The following MELTF variants were observed in gnomAD, a reference collection of about 807,000 sequenced individuals.
MELTF encodes the protein melanotransferrin.
A neutral mutation model predicts 83.7 loss-of-function variants in MELTF; 67 were observed. The ratio of observed to expected loss-of-function variants is 0.80; its 90% CI spans 0.66 to 0.98. The LOEUF (loss-of-function observed/expected upper bound fraction) is 0.98. MELTF is among the 50% of genes least tolerant of loss of function. The pLI is 0.00. For synonymous variants in MELTF, 462 were observed against 447.6 expected, an observed-to-expected ratio of 1.03 and a Z score of -0.41; for missense variants, 1,002 against 1,035.6, an observed-to-expected ratio of 0.97 and a Z score of 0.44.
In MELTF at chr3:197,003,512, C is replaced by G; in HGVS notation, c.2138-61G>C. On this transcript the variant is annotated intron_variant, in intron 15 of 15. Transcript: ENST00000296350. This position sits in a 1 kb window ranked among gnomAD's most constrained non-coding sequence, Gnocchi z 6.2. ...CGGGCCGCGGTGGCCGCCTCAGGCG[C>G]CCGCTCTGGGGTGGGGGTGGGGGCA... 5.1e-6 allele frequency: 2 copies of G among 395,006 alleles called. No homozygotes were observed. The highest frequency in any genetic ancestry group is 2.6e-5 in the African/African-American group (1 of 39,056). 24.5% of individuals were successfully genotyped at this position (395,006 alleles called of 1,614,324 possible).
rs974033008 is a variant in MELTF at position 197,004,006 on chromosome 3, C to T, written c.2032G>A (p.Val678Ile). The T allele has an allele frequency of 4.3e-6, 7 of 1,614,172 alleles. No homozygotes were observed. The highest frequency in any genetic ancestry group is 2.2e-5 in the East Asian group (1 of 44,890). Reference protein sequence around the residue: ...GQDLLFKDATVRAVPVGEKTT... With the variant: ...GQDLLFKDATIRAVPVGEKTT... Reference sequence around the variant, plus strand: ...TTCTCTCCGACAGGCACCGCCCGGACGGTGGCATCCTTGAAAAGCAGGTCT... The same window carrying T: ...TTCTCTCCGACAGGCACCGCCCGGATGGTGGCATCCTTGAAAAGCAGGTCT... Residue 678 changes from valine to isoleucine, a missense_variant, in exon 15 of 16, where the codon GTC becomes ATC. By Grantham distance (29) the Val-to-Ile change is conservative (BLOSUM62 3). Coordinates refer to ENST00000296350, the MANE Select transcript of MELTF (RefSeq NM_005929.6).
chr3:197,006,489 C>T lies in MELTF; in HGVS notation c.1938+60G>A. The T allele has an allele frequency of 1.3e-6, 2 of 1,506,278 alleles. No individual in the cohort carries two copies. The highest frequency in any genetic ancestry group is 1.8e-6 in the Non-Finnish European group (2 of 1,115,226). The allele number at this position is 1,506,278 out of a possible 1,614,324, so 93.3% of individuals were successfully genotyped here. On this transcript the variant is annotated intron_variant, in intron 14 of 15. Coordinates refer to ENST00000296350, the MANE Select transcript of MELTF (RefSeq NM_005929.6). This position sits in a 1 kb window ranked among gnomAD's most constrained non-coding sequence, Gnocchi z 5.4. ...CTGCTCCAGGTAGACTGAGGCCTCC[C>T]AGGGGCTCAGCTTACCTCTGCTGCA...
At chr3:197,019,295 G>A in intron 6 of MELTF, 1 of 1,056,856 alleles carries the variant, frequency 9.5e-7, no homozygotes, top group Non-Finnish European at 1.1e-6. Flanking sequence ...GCTTCCATCA[G>A]CCACTCCCGC....
chr3:197,017,782 C>T (rs1207170888), intron 6 of MELTF, among the ~76,000 whole-genome samples: 2 of 152,096 alleles, frequency 1.3e-5, no homozygotes, highest in African/African-American at 4.8e-5. Flanking sequence ...GAGGCTGAGG[C>T]AGGAGAATGG....
chr3:197,002,073 T>C lies in MELTF; in HGVS notation c.*1299A>G, dbSNP rs1232489533. The C allele has an allele frequency of 3.3e-5, 5 of 152,090 alleles. No individual in the cohort carries two copies. Among genetic ancestry groups the C allele is most frequent in the African/African-American group, 4.8e-5 (2 of 41,392 alleles). 9.4% of individuals were successfully genotyped at this position (152,090 alleles called of 1,614,324 possible). A position where few individuals can be genotyped will look rare whatever the true frequency, so the allele number is the denominator to read the frequency against. ...CCCAGGTCCTTGTGGCCCCTCCCGG[T>C]GGGGTGAAGGTGCCCGGGACTCCTC... On this transcript the variant is annotated 3_prime_UTR_variant, in exon 16 of 16. Coordinates refer to ENST00000296350, the MANE Select transcript of MELTF (RefSeq NM_005929.6).
rs1719311439 is a variant in MELTF at position 197,015,053 on chromosome 3, G to A, written c.1233+312C>T. On this transcript the variant is annotated intron_variant, in intron 9 of 15. Transcript: ENST00000296350. ...CCAGGCTACAGGGCGTCAGTGCCCAGCTGGGCCAGCGCTTCTTCTGCTCCT... is the reference window on the plus strand; with the variant it reads ...CCAGGCTACAGGGCGTCAGTGCCCAACTGGGCCAGCGCTTCTTCTGCTCCT... Among the ~76,000 whole-genome samples, 3 of 152,362 alleles carry A rather than the reference G, an allele frequency of 2.0e-5. No homozygotes were observed. In the South Asian group the frequency reaches 6.2e-4, roughly 32 times the overall value.
rs552334780 is a variant in MELTF, at chr3:197,015,436, G to A, written c.1162C>T (p.Arg388Trp). ...TGGATCTCTGGCTTGAGCCGCTGCC[G>A]GCGGAAGGCCACGGCCATGTCTCCA... is the stretch of plus-strand genomic sequence containing the variant. Reference protein sequence around the residue: ...KCGDMAVAFRRQRLKPEIQCV... With the variant: ...KCGDMAVAFRWQRLKPEIQCV... The change falls in exon 9 of 16, where the codon CGG (arginine) becomes TGG (tryptophan). Residue 388 changes from arginine (R) to tryptophan (W), a missense_variant. Physicochemically the swap from Arg to Trp is moderately radical, Grantham distance 101 (BLOSUM62 -3). Transcript: ENST00000296350. The A allele has an allele frequency of 8.1e-6, 13 of 1,604,022 alleles. No homozygotes were observed. The highest frequency in any genetic ancestry group is 2.7e-5 in the African/African-American group (2 of 74,822).
Position 197,029,504 on chromosome 3 carries a change from C to A in MELTF, c.49+150G>T. ...GCGCTTCAGTGCTAGTTCCCTCCGC[C>A]GTCCTCACTCGACCCCGAGCCCCTG... is the stretch of plus-strand genomic sequence containing the variant. On this transcript the variant is annotated intron_variant, in intron 1 of 15. Transcript: ENST00000296350. The surrounding 1 kb of genome is among the most constrained non-coding windows in gnomAD (Gnocchi z 6.5). 1 of 537,594 alleles carries A rather than the reference C, an allele frequency of 1.9e-6. No homozygotes were observed. The highest frequency in any genetic ancestry group is 2.8e-6 in the Non-Finnish European group (1 of 355,008). The allele number at this position is 537,594 out of a possible 1,614,324, so 33.3% of individuals were successfully genotyped here. A position where few individuals can be genotyped will look rare whatever the true frequency, so the allele number is the denominator to read the frequency against.
chr3:197,004,362 C>A (rs747490305), intron 14 of MELTF: 1 of 520,618 alleles, frequency 1.9e-6, no homozygotes, highest in Non-Finnish European at 3.5e-6. Flanking sequence ...GGATGCAGGT[C>A]TGAGGCCTGA....
chr3:197,015,578 C>A, intron 8 of MELTF, 62 bp from the exon 9 acceptor site: 2 of 1,530,690 alleles, frequency 1.3e-6, no homozygotes, highest in South Asian at 2.4e-5. Context: ...AGCATGGAGT[C>A]GGACCCAAGG....
At chr3:197,019,244 G>A in intron 6 of MELTF, 1 of 1,017,766 alleles carries the variant, frequency 9.8e-7, no homozygotes, top group Non-Finnish European at 1.2e-6. Context: ...AGAGCTCTGG[G>A]GCATCATTTG....
Position 197,003,908 on chromosome 3 carries a change from C to T in MELTF, c.2130G>A (p.Ser710=), listed in dbSNP as rs1470743850. 3.7e-6 allele frequency: 6 copies of T among 1,613,392 alleles called. No homozygotes were observed. Among genetic ancestry groups the T allele is most frequent in the African/African-American group, 2.7e-5 (2 of 74,920 alleles). The change falls in exon 15 of 16, where the codon TCG becomes TCA. Residue 710 remains serine, a synonymous_variant. Transcript: ENST00000296350. This position sits in a 1 kb window ranked among gnomAD's most constrained non-coding sequence, Gnocchi z 6.2. ...ALEGMSSQQC[S]GAAAPAPGAP... is the part of the protein sequence containing the mutation. ...AGGGCGGGCCTGTCCTACCTGCGCC[C>T]GAGCACTGCTGAGACGACATCCCTT...
intron 14 of MELTF, chr3:197,004,404 G>A: frequency 4.5e-6 from 2 of 444,298 alleles, no homozygotes; most frequent in Non-Finnish European, 4.2e-6. Context: ...AGAAATGAGG[G>A]ATGGTGTGGG....
At chr3:197,018,634 A>T (rs1412607558) in intron 6 of MELTF, among the ~76,000 whole-genome samples, 1 of 151,474 alleles carries the variant, frequency 6.6e-6, no homozygotes, top group African/African-American at 2.4e-5. Flanking sequence ...TTTCCTAGAG[A>T]TGGGGTTTCA....
rs762621747 is a variant in MELTF, at chr3:197,027,822, C to G, written c.138G>C (p.Ala46=). The G allele has an allele frequency of 2.4e-5, 38 of 1,611,192 alleles. No homozygotes were observed. Among genetic ancestry groups the G allele is most frequent in the Non-Finnish European group, 3.0e-5 (35 of 1,179,180 alleles). The part of the protein sequence containing the change: ...CGNMSEAFRE[A]GIQPSLLCVR... ...CGCAGAGGAGGGAGGGCTGGATGCC[C>G]GCTTCCCGGAAGGCCTCGCTCATGT... The change falls in exon 2 of 16, where the codon GCG becomes GCC. Residue 46 remains alanine (A), a synonymous_variant. Transcript: ENST00000296350.
chr3:197,004,711 C>T (rs760534637), intron 14 of MELTF: 29 of 155,012 alleles, frequency 1.9e-4, no homozygotes, highest in East Asian at 1.1e-3. Context: ...CTTATGAATA[C>T]GAATATAAAT....
At chr3:197,021,135 T>C (rs771910064) in intron 6 of MELTF, among the ~76,000 whole-genome samples, 64 of 152,210 alleles carry the variant, frequency 4.2e-4, no homozygotes, top group Non-Finnish European at 5.4e-4. Context: ...CAATGCCATA[T>C]TCAAATCAAA....
chr3:197,013,553 CAGAGA>C (rs1252960571), intron 9 of MELTF, among the ~76,000 whole-genome samples: 2 of 152,172 alleles, frequency 1.3e-5, no homozygotes, highest in East Asian at 3.9e-4. Flanking sequence ...TTCTGCACAG[CAGAGA>C]AAACAACGAA....
In MELTF at chr3:197,010,715, G is replaced by C. The variant is rs780700586; in HGVS notation, c.1313C>G (p.Ala438Gly). 1.5e-5 allele frequency: 25 copies of C among 1,613,230 alleles called. No individual in the cohort carries two copies. The East Asian group carries it at 5.6e-4, about 36-fold the overall frequency. ...GCACTCACGGGCATAGTGCTCCCCG[G>C]CTGCGGGAACCAGGCCGTACGTCTT... ...AGKTYGLVPA[A>G]GEHYAPEDSS... Residue 438 changes from alanine to glycine, a missense_variant, in exon 10 of 16, where the codon GCC becomes GGC. Coordinates refer to ENST00000296350, the MANE Select transcript of MELTF (RefSeq NM_005929.6).
Sources: allele counts gnomAD v4.1 joint callset (sites outside exome capture counted in the v4.1 genomes callset), GRCh38; gene constraint gnomAD v4.1.1; non-coding constraint Gnocchi (gnomAD v3.1); transcripts MANE v1.5; gene names NCBI Gene and HGNC (gene_info 2026-07-23, HGNC 2026-07-21).